The following FBXL17 variants were observed in gnomAD, a reference collection of about 807,000 sequenced individuals.
FBXL17 encodes F-box/LRR-repeat protein 17.
Under a neutral mutation model 66.2 loss-of-function variants are expected in FBXL17, and 22 were observed. The ratio of observed to expected loss-of-function variants is 0.33; its 90% CI spans 0.24 to 0.47. The LOEUF (loss-of-function observed/expected upper bound fraction) is 0.47, where lower values mean the gene tolerates loss of function less well. Ranked by LOEUF, FBXL17 falls within the 20% of genes least tolerant of loss-of-function variation. The probability of loss-of-function intolerance (pLI) is 1.00; values close to 1 mark genes in which losing one functional copy is unlikely to be tolerated. For synonymous variants in FBXL17, 474 were observed against 400.5 expected (o/e 1.18, Z -2.19); for missense variants, 878 against 948.2 (o/e 0.93, Z 0.97).
intron 6 of FBXL17, among the ~76,000 whole-genome samples, chr5:108,174,789 C>G (rs1205329924): frequency 6.7e-6 from 1 of 150,120 alleles, no homozygotes; most frequent in Non-Finnish European, 1.5e-5. Flanking sequence ...GTCTCCTCAG[C>G]CTCTTTTCAA....
chr5:108,293,549 T>C (rs1368764329), intron 4 of FBXL17, among the ~76,000 whole-genome samples: 1 of 152,142 alleles, frequency 6.6e-6, no homozygotes, highest in East Asian at 1.9e-4. Context: ...AGCTTCAAAA[T>C]TGTAAGTCTA....
At chr5:107,946,336 C>T (rs1374106178) in intron 7 of FBXL17, among the ~76,000 whole-genome samples, 1 of 114,870 alleles carries the variant, frequency 8.7e-6, no homozygotes, top group Non-Finnish European at 1.7e-5. Flanking sequence ...GCTCTGCTGC[C>T]CAGGCTGAAG....
intron 7 of FBXL17, among the ~76,000 whole-genome samples, chr5:107,971,715 G>GT (rs1752379240): frequency 1.3e-5 from 2 of 152,134 alleles, no homozygotes; most frequent in Non-Finnish European, 2.9e-5. Flanking sequence ...TGAAACAAAC[G>GT]TTTTCATGTC....
At chr5:108,295,664 C>T (rs1398987078) in intron 4 of FBXL17, among the ~76,000 whole-genome samples, 1 of 151,948 alleles carries the variant, frequency 6.6e-6, no homozygotes, top group Non-Finnish European at 1.5e-5. Flanking sequence ...ATCAACAAAC[C>T]TTCTAGTAAT....
At chr5:107,913,397 C>T (rs1011587641) in intron 7 of FBXL17, among the ~76,000 whole-genome samples, 2 of 151,878 alleles carry the variant, frequency 1.3e-5, no homozygotes, top group Non-Finnish European at 2.9e-5. Context: ...TGCAGATGGT[C>T]GGGTTAAGAG....
intron 6 of FBXL17, among the ~76,000 whole-genome samples, chr5:108,068,147 T>G (rs1748184186): frequency 6.6e-6 from 1 of 152,222 alleles, no homozygotes; most frequent in African/African-American, 2.4e-5. Flanking sequence ...TATCACTTTT[T>G]AGATTCTTTA....
intron 4 of FBXL17, among the ~76,000 whole-genome samples, chr5:108,277,315 T>C (rs922002619): frequency 1.3e-5 from 2 of 152,162 alleles, no homozygotes; most frequent in Non-Finnish European, 2.9e-5. Context: ...ATTGTTATTA[T>C]TTTTTAAAAT....
chr5:108,049,229 G>C (rs1747377270), intron 6 of FBXL17, among the ~76,000 whole-genome samples: 2 of 151,694 alleles, frequency 1.3e-5, no homozygotes, highest in Admixed American at 6.6e-5. Context: ...TGCAACCTCT[G>C]CCTCCCAGGT....
intron 7 of FBXL17, among the ~76,000 whole-genome samples, chr5:108,015,231 T>A (rs768067257): frequency 2.0e-4 from 30 of 152,108 alleles, no homozygotes; most frequent in Admixed American, 1.8e-3. Context: ...CAAGGGAAAT[T>A]TGCAAGCATA....
At chr5:108,345,253 C>T (rs1355049931) in intron 4 of FBXL17, among the ~76,000 whole-genome samples, 1 of 151,780 alleles carries the variant, frequency 6.6e-6, no homozygotes, top group Non-Finnish European at 1.5e-5. Context: ...AGGAGAATTG[C>T]TTGAACCTGG....
At chr5:108,235,358 A>G (rs1404409252) in intron 4 of FBXL17, among the ~76,000 whole-genome samples, 2 of 152,160 alleles carry the variant, frequency 1.3e-5, no homozygotes, top group East Asian at 1.9e-4. Context: ...TCTCGTAACA[A>G]TGGCTAACTG....
At chr5:108,026,410 T>G (rs1232510192) in intron 6 of FBXL17, among the ~76,000 whole-genome samples, 1 of 152,222 alleles carries the variant, frequency 6.6e-6, no homozygotes, top group Admixed American at 6.6e-5. Flanking sequence ...CAGTATACTT[T>G]TTTTGTAAAT....
At chr5:107,903,511 C>A (rs1411816691) in intron 7 of FBXL17, among the ~76,000 whole-genome samples, 1 of 152,048 alleles carries the variant, frequency 6.6e-6, no homozygotes, top group Non-Finnish European at 1.5e-5. Flanking sequence ...TCTTATTTTA[C>A]AGAAGAGGTA....
In FBXL17 at chr5:108,381,595, G is replaced by C. The variant is rs1749943498; in HGVS notation, c.97C>G (p.Leu33Val). 9 of 1,473,134 alleles carry C rather than the reference G, an allele frequency of 6.1e-6. No individual in the cohort carries two copies. Among genetic ancestry groups the C allele is most frequent in the Non-Finnish European group, 8.1e-6 (9 of 1,117,938 alleles). The allele number at this position is 1,473,134 out of a possible 1,614,324, so 91.3% of individuals were successfully genotyped here. A position where few individuals can be genotyped will look rare whatever the true frequency, so the allele number is the denominator to read the frequency against. ...WCRRRRPLLRLPRRTPAKVPP... is the reference protein window; with the variant it reads ...WCRRRRPLLRVPRRTPAKVPP... ...ACCTTGGCTGGGGTCCGGCGGGGCA[G>C]CCTGAGGAGAGGGCGCCGGCGGCGG... The change falls in exon 1 of 9, where the codon CTG (leucine) becomes GTG (valine). Residue 33 changes from leucine (L) to valine (V), a missense_variant. This residue lies in a region of FBXL17 where 605 missense variants were observed against 509.5 expected (regional missense o/e 1.19). Coordinates refer to ENST00000542267, the MANE Select transcript of FBXL17 (RefSeq NM_001163315.3).
intron 7 of FBXL17, among the ~76,000 whole-genome samples, chr5:107,902,857 T>C (rs1749615860): frequency 6.6e-6 from 1 of 152,146 alleles, no homozygotes; most frequent in African/African-American, 2.4e-5. Flanking sequence ...TTGGTTCATG[T>C]TCTAGTTGAA....
chr5:108,252,963 A>G (rs1038969655), intron 4 of FBXL17, among the ~76,000 whole-genome samples: 12 of 152,200 alleles, frequency 7.9e-5, no homozygotes, highest in African/African-American at 2.7e-4. Flanking sequence ...GAGGCCCCCA[A>G]GTAGAATCTG....
intron 4 of FBXL17, among the ~76,000 whole-genome samples, chr5:108,331,643 C>T (rs1180087771): frequency 6.6e-6 from 1 of 152,082 alleles, no homozygotes; most frequent in African/African-American, 2.4e-5. Flanking sequence ...TTATTAATGA[C>T]ACTACACATT....
chr5:108,057,391 GAC>G (rs1747750070), intron 6 of FBXL17, among the ~76,000 whole-genome samples: 2 of 152,124 alleles, frequency 1.3e-5, no homozygotes, highest in Non-Finnish European at 1.5e-5. Context: ...GGAATTTAAA[GAC>G]AGTTTCCCAG....
At chr5:108,015,931 A>G (rs970191447) in intron 7 of FBXL17, among the ~76,000 whole-genome samples, 1 of 152,168 alleles carries the variant, frequency 6.6e-6, no homozygotes, top group African/African-American at 2.4e-5. Context: ...CATTTTTTTT[A>G]ATAAGCAGGC....
Sources: gnomAD v4.1 joint callset for allele counts (sites outside exome capture counted in the v4.1 genomes callset) on GRCh38, gnomAD v4.1.1 for gene constraint, gnomAD v4.1.1 regional missense constraint, MANE v1.5 for transcripts, NCBI Gene and HGNC (gene_info 2026-07-23, HGNC 2026-07-21) for gene names.